The following SLC71A2 variants were observed in gnomAD, a reference collection of about 807,000 sequenced individuals.
SLC71A2 encodes the protein solute carrier family 71 member 2.
chr9:94,419,298 C>CTTTTTTTTT, the SLC71A2 span, among the ~76,000 whole-genome samples: 1 of 132,666 alleles, frequency 7.5e-6, no homozygotes, highest in Non-Finnish European at 1.6e-5. Flanking sequence ...ACTTTTTTTT[C>CTTTTTTTTT]TTTTTTTTTT....
the SLC71A2 span, among the ~76,000 whole-genome samples, chr9:94,417,616 A>G: frequency 3.9e-5 from 6 of 152,232 alleles, no homozygotes; most frequent in Middle Eastern, 3.4e-3. Flanking sequence ...AACGAGTGCA[A>G]AACTCTTTCT....
the SLC71A2 span, among the ~76,000 whole-genome samples, chr9:94,384,227 C>T: frequency 6.6e-6 from 1 of 151,982 alleles, no homozygotes; most frequent in African/African-American, 2.4e-5. Context: ...TTAGATACCT[C>T]ATATATATGG....
the SLC71A2 span, among the ~76,000 whole-genome samples, chr9:94,413,678 G>A: frequency 2.3e-4 from 20 of 86,652 alleles, no homozygotes; most frequent in Admixed American, 2.4e-4. Context: ...AAAAAAAAAA[G>A]CTAATTAAGA....
chr9:94,456,528 T>G, the SLC71A2 span, among the ~76,000 whole-genome samples: 1 of 152,224 alleles, frequency 6.6e-6, no homozygotes, highest in Non-Finnish European at 1.5e-5. Context: ...CACTTATATT[T>G]TTTAAAGCTA....
At chr9:94,435,573 T>C in the SLC71A2 span, among the ~76,000 whole-genome samples, 73 of 151,978 alleles carry the variant, frequency 4.8e-4, no homozygotes, top group Non-Finnish European at 6.2e-4. Context: ...TTCTTTGCCA[T>C]GCTATCTTAC....
the SLC71A2 span, among the ~76,000 whole-genome samples, chr9:94,434,594 C>T: frequency 2.0e-5 from 3 of 152,074 alleles, no homozygotes; most frequent in African/African-American, 7.2e-5. Flanking sequence ...GGATTACAGG[C>T]GTGAGCCACT....
At chr9:94,427,758 C>G in the SLC71A2 span, among the ~76,000 whole-genome samples, 1 of 147,566 alleles carries the variant, frequency 6.8e-6, no homozygotes, top group Non-Finnish European at 1.5e-5. Flanking sequence ...GAGGAATGTC[C>G]ATAGTCTCTT....
At chr9:94,399,981 G>A in the SLC71A2 span, among the ~76,000 whole-genome samples, 1 of 151,962 alleles carries the variant, frequency 6.6e-6, no homozygotes, top group East Asian at 1.9e-4. Context: ...GGCTAATTTT[G>A]TATTTTTAGT....
chr9:94,450,774 C>T, the SLC71A2 span, among the ~76,000 whole-genome samples: 3 of 152,244 alleles, frequency 2.0e-5, no homozygotes, highest in Non-Finnish European at 2.9e-5. Context: ...CAGGCGTGAG[C>T]CACTGCACCT....
At chr9:94,409,199 G>A in the SLC71A2 span, among the ~76,000 whole-genome samples, 6 of 127,738 alleles carry the variant, frequency 4.7e-5, no homozygotes, top group Admixed American at 9.1e-5. Context: ...GAGTACAGTG[G>A]TATGATGATG....
the SLC71A2 span, chr9:94,429,277 G>A: frequency 1.9e-6 from 3 of 1,569,896 alleles, 1 homozygote; most frequent in Non-Finnish European, 2.6e-6. Flanking sequence ...TATGTGGTTT[G>A]TAATGAACCA....
the SLC71A2 span, chr9:94,445,258 C>A: frequency 1.7e-6 from 2 of 1,150,788 alleles, no homozygotes; most frequent in Non-Finnish European, 2.5e-6. Context: ...GTATGTGCAG[C>A]CTCAAGGATC....
At chr9:94,430,794 G>C in the SLC71A2 span, among the ~76,000 whole-genome samples, 1 of 152,130 alleles carries the variant, frequency 6.6e-6, no homozygotes, top group Non-Finnish European at 1.5e-5. Flanking sequence ...AATCATATTT[G>C]CTTCAGCCTC....
the SLC71A2 span, among the ~76,000 whole-genome samples, chr9:94,433,854 TA>T: frequency 6.6e-6 from 1 of 152,156 alleles, no homozygotes; most frequent in Non-Finnish European, 1.5e-5. Flanking sequence ...TTTTTTCTCA[TA>T]AACTTGGAAA....
At chr9:94,391,600 T>G in the SLC71A2 span, among the ~76,000 whole-genome samples, 1 of 151,396 alleles carries the variant, frequency 6.6e-6, no homozygotes, top group Non-Finnish European at 1.5e-5. Context: ...CTTTAAAAAA[T>G]ATTTTGGCCA....
the SLC71A2 span, among the ~76,000 whole-genome samples, chr9:94,439,461 C>T: frequency 2.0e-5 from 3 of 151,696 alleles, no homozygotes; most frequent in Non-Finnish European, 2.9e-5. Context: ...GTATGTATTC[C>T]TATTGCAGAG....
the SLC71A2 span, among the ~76,000 whole-genome samples, chr9:94,386,010 T>G: frequency 6.6e-6 from 1 of 152,072 alleles, no homozygotes. Flanking sequence ...AAGAAAGTCT[T>G]TGGGAATTTG....
the SLC71A2 span, among the ~76,000 whole-genome samples, chr9:94,450,956 C>T: frequency 6.6e-5 from 10 of 152,224 alleles, no homozygotes; most frequent in East Asian, 1.9e-4. Flanking sequence ...CGGGTCATAC[C>T]GCCAGAGAGC....
the SLC71A2 span, among the ~76,000 whole-genome samples, chr9:94,409,242 C>T: frequency 7.1e-6 from 1 of 141,086 alleles, no homozygotes; most frequent in East Asian, 2.1e-4. Context: ...TGGACTCAGG[C>T]GATTCTCCCA....
Sources: allele counts gnomAD v4.1 joint callset (sites outside exome capture counted in the v4.1 genomes callset), GRCh38; gene constraint gnomAD v4.1.1; transcripts MANE v1.5; gene names NCBI Gene and HGNC (gene_info 2026-07-23, HGNC 2026-07-21).